TTC29: variants seen among roughly 807,000 people sequenced by gnomAD.
TTC29 encodes tetratricopeptide repeat domain 29, also known as tetratricopeptide repeat protein 29.
Under a neutral mutation model 58.1 loss-of-function variants are expected in TTC29, and 49 were observed. That is an observed-to-expected ratio of 0.84 (90% CI 0.67 to 1.07). TTC29 has a LOEUF of 1.07. Among genes scored for constraint, TTC29 ranks in the 50% least tolerant of loss-of-function variants. The pLI, the probability that TTC29 is intolerant of heterozygous loss-of-function variation, is 0.00. For synonymous variants in TTC29, 209 were observed against 196.8 expected (o/e 1.06, Z -0.52); for missense variants, 582 against 555.6 (o/e 1.05, Z -0.48).
At chr4:146,733,208 A>G (rs1200076597) in intron 11 of TTC29, among the ~76,000 whole-genome samples, 1 of 152,132 alleles carries the variant, frequency 6.6e-6, no homozygotes, top group Non-Finnish European at 1.5e-5. Context: ...GTGACTATAG[A>G]TATCTTGAAA....
At chr4:146,789,718 G>A (rs1749289356) in intron 11 of TTC29, among the ~76,000 whole-genome samples, 1 of 151,740 alleles carries the variant, frequency 6.6e-6, no homozygotes, top group Non-Finnish European at 1.5e-5. Flanking sequence ...AGTAAGTTCT[G>A]TTTTGTCAAA....
intron 4 of TTC29, among the ~76,000 whole-genome samples, chr4:146,929,363 CCAGA>C (rs1023237863): frequency 6.6e-6 from 1 of 151,710 alleles, no homozygotes; most frequent in Non-Finnish European, 1.5e-5. Flanking sequence ...GCCCTTGTCC[CCAGA>C]CAGTCTGTCC....
intron 11 of TTC29, among the ~76,000 whole-genome samples, chr4:146,786,540 C>T (rs1210477521): frequency 1.3e-5 from 2 of 152,178 alleles, no homozygotes; most frequent in Non-Finnish European, 2.9e-5. Flanking sequence ...AACCTCAAGG[C>T]AGTCTCATAG....
At chr4:146,732,352 T>C (rs949845534) in intron 11 of TTC29, among the ~76,000 whole-genome samples, 1 of 152,162 alleles carries the variant, frequency 6.6e-6, no homozygotes, top group African/African-American at 2.4e-5. Context: ...TTTTTGATAA[T>C]TCATAGGATT....
intron 8 of TTC29, among the ~76,000 whole-genome samples, chr4:146,840,777 T>C (rs1159015706): frequency 3.9e-5 from 6 of 152,154 alleles, no homozygotes; most frequent in African/African-American, 1.4e-4. Context: ...AACTCTATAA[T>C]AACTCTATCT....
chr4:146,838,825 A>G (rs556604268), intron 8 of TTC29, among the ~76,000 whole-genome samples: 24 of 151,898 alleles, frequency 1.6e-4, no homozygotes, highest in African/African-American at 5.8e-4. Context: ...CCCCACTGCA[A>G]TTCCTCTCTT....
chr4:146,871,788 C>A (rs1730947966), intron 7 of TTC29, among the ~76,000 whole-genome samples: 1 of 151,876 alleles, frequency 6.6e-6, no homozygotes. Context: ...ATCCCATATT[C>A]ATGGATTGAA....
chr4:146,721,979 C>G (rs1040366372), intron 11 of TTC29, among the ~76,000 whole-genome samples: 1 of 152,016 alleles, frequency 6.6e-6, no homozygotes, highest in Non-Finnish European at 1.5e-5. Flanking sequence ...GATACAAAAT[C>G]AATGTAAAAA....
chr4:146,810,244 A>G (rs1175848043), intron 10 of TTC29, among the ~76,000 whole-genome samples: 5 of 152,086 alleles, frequency 3.3e-5, no homozygotes, highest in Non-Finnish European at 5.9e-5. Flanking sequence ...GGAACATCAC[A>G]TACCTGTTGG....
At chr4:146,942,742 T>A in intron 2 of TTC29, 7 of 842,550 alleles carry the variant, frequency 8.3e-6, no homozygotes, top group Non-Finnish European at 1.2e-5. Flanking sequence ...TTTGGGGCAT[T>A]CCATCCTCTA....
At chr4:146,778,663 T>C (rs1367843163) in intron 11 of TTC29, among the ~76,000 whole-genome samples, 1 of 152,126 alleles carries the variant, frequency 6.6e-6, no homozygotes, top group East Asian at 1.9e-4. Context: ...AGACTGCATA[T>C]TTACTTTCTA....
At chr4:146,733,602 T>C (rs564517595) in intron 11 of TTC29, among the ~76,000 whole-genome samples, 1 of 152,272 alleles carries the variant, frequency 6.6e-6, no homozygotes, top group South Asian at 2.1e-4. Context: ...TGTCTGGCTA[T>C]AGAAATAGGT....
At chr4:146,757,687 C>T (rs748219797) in intron 11 of TTC29, among the ~76,000 whole-genome samples, 4 of 152,010 alleles carry the variant, frequency 2.6e-5, no homozygotes, top group African/African-American at 7.2e-5. Context: ...AAAACAATTA[C>T]CAGCCAAGAA....
intron 11 of TTC29, among the ~76,000 whole-genome samples, chr4:146,762,460 A>G (rs1266613925): frequency 6.6e-6 from 1 of 151,880 alleles, no homozygotes; most frequent in Non-Finnish European, 1.5e-5. Context: ...TCAACAAAGA[A>G]TCATCTCCTT....
intron 8 of TTC29, among the ~76,000 whole-genome samples, chr4:146,836,298 A>G (rs1340020218): frequency 6.6e-6 from 1 of 152,106 alleles, no homozygotes; most frequent in Non-Finnish European, 1.5e-5. Flanking sequence ...ATTTCCTTAA[A>G]CAATTTACAG....
intron 11 of TTC29, among the ~76,000 whole-genome samples, chr4:146,770,656 T>C (rs1385006526): frequency 6.6e-6 from 1 of 151,984 alleles, no homozygotes; most frequent in Non-Finnish European, 1.5e-5. Flanking sequence ...AAAGATAGTG[T>C]GGTTCAAAGC....
chr4:146,739,218 G>A (rs2150031717), intron 11 of TTC29, among the ~76,000 whole-genome samples: 1 of 152,188 alleles, frequency 6.6e-6, no homozygotes, highest in East Asian at 1.9e-4. Flanking sequence ...GACGTGTTTT[G>A]GTATTCAACA....
Position 146,863,595 on chromosome 4 carries a change from G to A in TTC29, c.885+3903C>T, listed in dbSNP as rs144736434. ...CTAAATGTCTTAAAATAACAGAAAT[G>A]CATTTCTCATAGCCTCTCATGTGTA... On this transcript the variant is annotated intron_variant, in intron 8 of 12. Coordinates refer to ENST00000325106, the MANE Select transcript of TTC29 (RefSeq NM_031956.4). Among the ~76,000 whole-genome samples the A allele has an allele frequency of 1.4e-4, 22 of 152,230 alleles. 1 individual carries two copies. The highest frequency in any genetic ancestry group is 2.1e-4 in the Non-Finnish European group (14 of 68,018).
chr4:146,732,297 G>A (rs920869900), intron 11 of TTC29, among the ~76,000 whole-genome samples: 30 of 152,264 alleles, frequency 2.0e-4, no homozygotes, highest in African/African-American at 7.0e-4. Flanking sequence ...TAAAGAGTAT[G>A]AAGACTATTG....
Sources: gnomAD v4.1 joint callset for allele counts (sites outside exome capture counted in the v4.1 genomes callset) on GRCh38, gnomAD v4.1.1 for gene constraint, MANE v1.5 for transcripts, NCBI Gene and HGNC (gene_info 2026-07-23, HGNC 2026-07-21) for gene names.